OTOF: variants seen among roughly 807,000 people sequenced by gnomAD.
OTOF encodes fer-1-like family member 2.
OTOF carries 218 observed loss-of-function variants against 236.8 expected under a neutral mutation model. The observed-to-expected ratio is 0.92, with a 90% CI of 0.82 to 1.03. OTOF has a LOEUF of 1.03. OTOF is among the 50% of genes least tolerant of loss of function. The pLI, the probability that OTOF is intolerant of heterozygous loss-of-function variation, is 0.00. For synonymous variants in OTOF, 1,041 were observed against 1,072.5 expected (o/e 0.97, Z 0.57); for missense variants, 2,590 against 2,694.4 (o/e 0.96, Z 0.86).
At position 26,489,784 on chromosome 2, in the gene OTOF, G is replaced by T. The variant is rs757302314; in HGVS notation, c.898-44C>A. 14 of 1,487,674 alleles carry T rather than the reference G, an allele frequency of 9.4e-6. No individual in the cohort carries two copies. The South Asian group carries it at 1.2e-4, about 13-fold the overall frequency. The allele number at this position is 1,487,674 out of a possible 1,614,324, so 92.2% of individuals were successfully genotyped here. ...AGGCCTGCTGTCACTGAGGGCAGCA[G>T]CAACAGCCCAGGCAGTGTTGGGCCC... On this transcript the variant is annotated intron_variant, in intron 9 of 46. Coordinates refer to ENST00000272371, the MANE Select transcript of OTOF (RefSeq NM_194248.3).
intron 2 of OTOF, among the ~76,000 whole-genome samples, chr2:26,532,695 C>T (rs528381882): frequency 3.3e-5 from 5 of 151,722 alleles, no homozygotes; most frequent in Non-Finnish European, 5.9e-5. Flanking sequence ...CTCAGGAGCC[C>T]GGGGAGTGCT....
chr2:26,548,634 A>G (rs1395771698), intron 1 of OTOF, among the ~76,000 whole-genome samples: 1 of 152,210 alleles, frequency 6.6e-6, no homozygotes, highest in East Asian at 1.9e-4. Flanking sequence ...TAAGATTATA[A>G]TATTGTATTT....
At position 26,473,904 on chromosome 2, in the gene OTOF, T is replaced by A; in HGVS notation, c.3408+87A>T. On this transcript the variant is annotated intron_variant, in intron 27 of 46. Transcript: ENST00000272371. The surrounding 1 kb of genome is among the most constrained non-coding windows in gnomAD (Gnocchi z 7.2). ...GTCTGCTGCTGGCTCCTGGTGATGG[T>A]GGTGGGAGGGGGATGACAAGCCACT... The A allele has an allele frequency of 6.5e-7, 1 of 1,546,120 alleles. No homozygotes were observed. The highest frequency in any genetic ancestry group is 8.9e-7 in the Non-Finnish European group (1 of 1,120,448).
intron 10 of OTOF, 103 bp downstream of exon 10, chr2:26,489,575 G>T: frequency 1.0e-6 from 1 of 981,284 alleles, no homozygotes; most frequent in Non-Finnish European, 1.6e-6. Context: ...GCACGGCGCT[G>T]CCTCTTTATC....
intron 12 of OTOF, 62 bp from the exon 13 acceptor site, chr2:26,483,710 C>T (rs952900310): frequency 6.9e-7 from 1 of 1,439,364 alleles, no homozygotes; most frequent in South Asian, 1.2e-5. Flanking sequence ...CCCATCCTGG[C>T]ATCTACACAC....
In OTOF at chr2:26,558,681, T is replaced by A; in HGVS notation, c.-110A>T. The A allele has an allele frequency of 5.4e-6, 5 of 918,492 alleles. No homozygotes were observed. The highest frequency in any genetic ancestry group is 8.7e-6 in the Non-Finnish European group (5 of 575,602). The allele number at this position is 918,492 out of a possible 1,614,324, so 56.9% of individuals were successfully genotyped here. On this transcript the variant is annotated 5_prime_UTR_variant, in exon 1 of 47. Coordinates refer to ENST00000272371, the MANE Select transcript of OTOF (RefSeq NM_194248.3). ...CTCTGCCGCTGCCTCCTCCTCCTCC[T>A]CCCGACCCCCCTCCGATGCTGCCCA...
At position 26,462,085 on chromosome 2, in the gene OTOF, C is replaced by A; in HGVS notation, c.5289G>T (p.Arg1763Ser). 1 of 1,613,596 alleles carries A rather than the reference C, an allele frequency of 6.2e-7. No homozygotes were observed. The highest frequency in any genetic ancestry group is 8.5e-7 in the Non-Finnish European group (1 of 1,179,674). ...TGEKSSDIFV[R>S]GWLKGQQEDK... The stretch of plus-strand genomic sequence containing the variant: ...CCATGCAGGGACTGCTCACCCACCC[C>A]CTCACGAAGATGTCACTGGACTTCT... Residue 1763 changes from arginine to serine, a missense_variant and splice_region_variant, in exon 42 of 47, where the codon AGG becomes AGT. Physicochemically the swap from Arg to Ser is moderately radical, Grantham distance 110. Coordinates refer to ENST00000272371, the MANE Select transcript of OTOF (RefSeq NM_194248.3). This position sits in a 1 kb window ranked among gnomAD's most constrained non-coding sequence, Gnocchi z 4.7.
chr2:26,502,263 G>A (rs774225578), intron 7 of OTOF, 37 bp downstream of exon 7: 8 of 1,611,874 alleles, frequency 5.0e-6, no homozygotes, highest in Admixed American at 1.7e-5. Context: ...CTGACAGGGT[G>A]GGGGCAGCTG....
intron 11 of OTOF, among the ~76,000 whole-genome samples, chr2:26,486,581 C>A (rs1348324374): frequency 1.3e-5 from 2 of 152,100 alleles, no homozygotes; most frequent in African/African-American, 4.8e-5. Context: ...GGCTATTTTT[C>A]TTTTTGTCCT....
At chr2:26,506,944 C>T (rs929097353) in intron 5 of OTOF, among the ~76,000 whole-genome samples, 10 of 152,254 alleles carry the variant, frequency 6.6e-5, no homozygotes, top group South Asian at 2.1e-4. Context: ...GAGCCACGAT[C>T]GCACCACTGC....
intron 3 of OTOF, among the ~76,000 whole-genome samples, chr2:26,519,740 C>A (rs1483754842): frequency 2.0e-5 from 3 of 152,194 alleles, no homozygotes; most frequent in African/African-American, 7.2e-5. Context: ...TCCTGGGCAA[C>A]TTCCTTAAGC....
At chr2:26,487,495 T>A (rs1665729348) in intron 11 of OTOF, among the ~76,000 whole-genome samples, 1 of 152,128 alleles carries the variant, frequency 6.6e-6, no homozygotes, top group Non-Finnish European at 1.5e-5. Context: ...TGAGCCTCAG[T>A]TTCCTTATGG....
intron 1 of OTOF, among the ~76,000 whole-genome samples, chr2:26,553,899 G>A (rs1035836592): frequency 3.3e-5 from 5 of 152,120 alleles, no homozygotes; most frequent in South Asian, 2.1e-4. Flanking sequence ...TTGACTGGGC[G>A]CAGTGGCTCA....
intron 5 of OTOF, among the ~76,000 whole-genome samples, chr2:26,513,265 C>A (rs1666434047): frequency 6.6e-6 from 1 of 152,118 alleles, no homozygotes; most frequent in Non-Finnish European, 1.5e-5. Context: ...CCACACTGCC[C>A]CTGCTTAGAA....
At chr2:26,525,669 G>A (rs1329620306) in intron 3 of OTOF, among the ~76,000 whole-genome samples, 1 of 152,118 alleles carries the variant, frequency 6.6e-6, no homozygotes, top group African/African-American at 2.4e-5. Context: ...AAAGATGGAT[G>A]GATGGATGAA....
In OTOF at chr2:26,502,302, C is replaced by G. The variant is rs373746387; in HGVS notation, c.708G>C (p.Lys236Asn). Residue 236 changes from lysine (K) to asparagine (N), a missense_variant and splice_region_variant, in exon 7 of 47, where the codon AAG becomes AAC. This residue lies in a region of OTOF where 1,379 missense variants were observed against 1,341.6 expected (regional missense o/e 1.03). Coordinates refer to ENST00000272371, the MANE Select transcript of OTOF (RefSeq NM_194248.3). ...TTGCAGGGCTCCCGTCCACTCACCG[C>G]TTGTTGGAGACATTAGTGGTGAGAG... ...VTALTTNVSN[K>N]RSKPDIKMEP... The G allele has an allele frequency of 1.2e-6, 2 of 1,614,106 alleles. No individual in the cohort carries two copies. The highest frequency in any genetic ancestry group is 4.5e-5 in the East Asian group (2 of 44,888).
chr2:26,501,175 A>G (rs1407130899), intron 8 of OTOF, among the ~76,000 whole-genome samples: 1 of 152,190 alleles, frequency 6.6e-6, no homozygotes, highest in East Asian at 1.9e-4. Context: ...TGTTGGCCAC[A>G]TTCACATTCT....
At chr2:26,540,659 C>A (rs1290647949) in intron 1 of OTOF, among the ~76,000 whole-genome samples, 3 of 148,724 alleles carry the variant, frequency 2.0e-5, no homozygotes, top group Non-Finnish European at 4.5e-5. Context: ...CCGGGGGTGG[C>A]GGGGTCGTTG....
At chr2:26,487,439 T>A (rs1298881469) in intron 11 of OTOF, among the ~76,000 whole-genome samples, 1 of 152,100 alleles carries the variant, frequency 6.6e-6, no homozygotes, top group African/African-American at 2.4e-5. Flanking sequence ...ATCCTGTTTC[T>A]GCCGCTTACT....
Sources: gnomAD v4.1 joint callset for allele counts (sites outside exome capture counted in the v4.1 genomes callset) on GRCh38, gnomAD v4.1.1 for gene constraint, gnomAD v4.1.1 regional missense constraint, Gnocchi (gnomAD v3.1) non-coding constraint, MANE v1.5 for transcripts, NCBI Gene and HGNC (gene_info 2026-07-23, HGNC 2026-07-21) for gene names.